EFCAB7: variants seen among roughly 807,000 people sequenced by gnomAD.
The protein encoded by EFCAB7 is EF-hand calcium binding domain 7.
EFCAB7 carries 66 observed loss-of-function variants against 77.1 expected under a neutral mutation model. That is an observed-to-expected ratio of 0.86 (90% confidence interval 0.70 to 1.05). The LOEUF (loss-of-function observed/expected upper bound fraction) is 1.05, where lower values mean the gene tolerates loss of function less well. Among genes scored for constraint, EFCAB7 ranks in the 50% least tolerant of loss-of-function variants. The pLI is 0.00. For missense variants in EFCAB7, 638 were observed against 730.5 expected, an observed-to-expected ratio of 0.87 and a Z score of 1.46; for synonymous variants, 225 against 243.3, an observed-to-expected ratio of 0.92 and a Z score of 0.70.
At chr1:63,566,905 TA>T (rs1365819988) in intron 11 of EFCAB7, among the ~76,000 whole-genome samples, 1 of 150,020 alleles carries the variant, frequency 6.7e-6, no homozygotes, top group Non-Finnish European at 1.5e-5. Flanking sequence ...TTTATATTAT[TA>T]AAATATTTTT....
intron 6 of EFCAB7, among the ~76,000 whole-genome samples, chr1:63,536,975 G>A (rs1557673881): frequency 2.0e-5 from 3 of 152,150 alleles, no homozygotes; most frequent in Non-Finnish European, 4.4e-5. Flanking sequence ...GACAGAGAAG[G>A]AGGGACTTTT....
chr1:63,563,443 A>C (rs1320280665), intron 11 of EFCAB7, among the ~76,000 whole-genome samples: 1 of 152,248 alleles, frequency 6.6e-6, no homozygotes, highest in African/African-American at 2.4e-5. Flanking sequence ...GGCTAAGAGC[A>C]GAATGCTCAT....
intron 1 of EFCAB7, among the ~76,000 whole-genome samples, 182 bp from the exon 2 acceptor site, chr1:63,525,390 T>C (rs932394882): frequency 5.3e-5 from 8 of 152,214 alleles, no homozygotes; most frequent in African/African-American, 1.9e-4. Context: ...CATATACAAC[T>C]ATAGTATTCG....
At chr1:63,534,427 C>T (rs888367041) in intron 6 of EFCAB7, 4 of 375,744 alleles carry the variant, frequency 1.1e-5, no homozygotes, top group South Asian at 7.8e-5. Context: ...AATGGTAACA[C>T]TCAAGTTTTA....
intron 9 of EFCAB7, among the ~76,000 whole-genome samples, chr1:63,556,077 G>C (rs776444414): frequency 1.3e-5 from 2 of 152,156 alleles, no homozygotes; most frequent in Non-Finnish European, 2.9e-5. Context: ...CATAGAAACA[G>C]AGAGTAGAAG....
intron 12 of EFCAB7, chr1:63,570,243 A>C (rs1364575141): frequency 6.6e-6 from 1 of 152,222 alleles, no homozygotes; most frequent in African/African-American, 2.4e-5. Flanking sequence ...TCATTAGGGT[A>C]TGATCGCAGA....
At chr1:63,528,990 A>G (rs1646646409) in intron 2 of EFCAB7, 1 of 152,150 alleles carries the variant, frequency 6.6e-6, no homozygotes, top group African/African-American at 2.4e-5. Flanking sequence ...CTTCATTTAC[A>G]TCTACTTGTA....
At chr1:63,537,723 A>G (rs1646779809) in intron 6 of EFCAB7, among the ~76,000 whole-genome samples, 1 of 152,184 alleles carries the variant, frequency 6.6e-6, no homozygotes, top group Non-Finnish European at 1.5e-5. Flanking sequence ...AAGTGCAACA[A>G]CTGGTTACCT....
In EFCAB7 at chr1:63,557,170, G is replaced by A; in HGVS notation, c.1271G>A (p.Ser424Asn). The A allele has an allele frequency of 6.2e-7, 1 of 1,608,462 alleles. No homozygotes were observed. The highest frequency in any genetic ancestry group is 8.5e-7 in the Non-Finnish European group (1 of 1,178,262). The part of the protein sequence containing the change: ...VIDLDGNGLL[S>N]LEEYNFFELR... ...GATTTAGATGGAAATGGTCTTCTTA[G>A]CCTTGAAGAATATAATTTTTTTGAA... is the stretch of plus-strand genomic sequence containing the variant. The change falls in exon 10 of 14, where the codon AGC becomes AAC. Residue 424 changes from serine (S) to asparagine (N), a missense_variant. Transcript: ENST00000371088.
At chr1:63,547,093 C>T (rs1646907333) in intron 7 of EFCAB7, 1 of 152,156 alleles carries the variant, frequency 6.6e-6, no homozygotes. Context: ...AAAGTTTTCA[C>T]TGCATCTCTT....
At chr1:63,541,587 C>T (rs1220047954) in intron 6 of EFCAB7, among the ~76,000 whole-genome samples, 4 of 150,262 alleles carry the variant, frequency 2.7e-5, no homozygotes, top group Admixed American at 2.0e-4. Flanking sequence ...TTTTTTGAAA[C>T]GGAGTTTTGC....
At chr1:63,525,458 A>C in intron 1 of EFCAB7, 114 bp from the exon 2 acceptor site, 1 of 803,424 alleles carries the variant, frequency 1.2e-6, no homozygotes. Flanking sequence ...TATGTTATAA[A>C]TTTTCTTCTA....
chr1:63,568,477 T>C lies in EFCAB7; in HGVS notation c.1665T>C (p.Thr555=), dbSNP rs1435602860. The C allele has an allele frequency of 6.3e-7, 1 of 1,596,904 alleles. No homozygotes were observed. The highest frequency in any genetic ancestry group is 1.4e-5 in the African/African-American group (1 of 73,916). Residue 555 remains threonine, a synonymous_variant, in exon 12 of 14, where the codon ACT becomes ACC. Transcript: ENST00000371088. ...GCTATGAAAATATAATCGTGCATACTTACAGTTGTGACACCTGGATAACGT... is the reference window on the plus strand; with the variant it reads ...GCTATGAAAATATAATCGTGCATACCTACAGTTGTGACACCTGGATAACGT... The part of the protein sequence containing the change: ...MDGYENIIVH[T]YSCDTWITSV...
chr1:63,535,044 T>C (rs1478459497), intron 6 of EFCAB7, among the ~76,000 whole-genome samples: 1 of 152,126 alleles, frequency 6.6e-6, no homozygotes, highest in Non-Finnish European at 1.5e-5. Context: ...TCCAACAATA[T>C]TACTTTCCAC....
At chr1:63,535,072 A>G (rs1309114683) in intron 6 of EFCAB7, among the ~76,000 whole-genome samples, 4 of 152,086 alleles carry the variant, frequency 2.6e-5, no homozygotes, top group Admixed American at 1.3e-4. Flanking sequence ...ACCTTTTTGT[A>G]TTTTGCAACT....
rs201240300 is a variant in EFCAB7 at position 63,534,198 on chromosome 1, G to A, written c.786G>A (p.Met262Ile). Reference protein sequence around the residue: ...GANGNRNSKLMEPNLIKDWQH... With the variant: ...GANGNRNSKLIEPNLIKDWQH... ...ATGGTAACCGAAACTCAAAGTTAAT[G>A]GAGCCAAATTTAATAAAGGTATAGT... Residue 262 changes from methionine (M) to isoleucine (I), a missense_variant, in exon 6 of 14, where the codon ATG becomes ATA. By Grantham distance (10) the Met-to-Ile change is conservative. Transcript: ENST00000371088. 7.9e-5 allele frequency: 127 copies of A among 1,612,034 alleles called. No homozygotes were observed. In the East Asian group the frequency reaches 2.8e-3, roughly 35 times the overall value.
At chr1:63,551,699 G>A in intron 7 of EFCAB7, 26 bp from the exon 8 acceptor site, 1 of 1,301,208 alleles carries the variant, frequency 7.7e-7, no homozygotes, top group Non-Finnish European at 1.1e-6. Context: ...ATTTTAAGGT[G>A]TTTGGGCTTT....
intron 12 of EFCAB7, chr1:63,569,771 C>T (rs1158807812): frequency 6.6e-6 from 1 of 152,156 alleles, no homozygotes; most frequent in Non-Finnish European, 1.5e-5. Flanking sequence ...ACTTGATTAA[C>T]TAAGCTTGGG....
chr1:63,562,332 A>G (rs1383042099), intron 11 of EFCAB7, among the ~76,000 whole-genome samples: 1 of 150,960 alleles, frequency 6.6e-6, no homozygotes, highest in African/African-American at 2.4e-5. Flanking sequence ...AGCATTGTGT[A>G]TGTATCAGCT....
Sources: allele counts gnomAD v4.1 joint callset (sites outside exome capture counted in the v4.1 genomes callset), GRCh38; gene constraint gnomAD v4.1.1; transcripts MANE v1.5; gene names NCBI Gene and HGNC (gene_info 2026-07-23, HGNC 2026-07-21).